The following MED27 variants were observed in gnomAD, a reference collection of about 807,000 sequenced individuals.
MED27 encodes the protein mediator of RNA polymerase II transcription subunit 27.
In MED27, 30 loss-of-function variants were observed where a neutral mutation model predicts 38.2. That is an observed-to-expected ratio of 0.79 (90% CI 0.59 to 1.07). The LOEUF is 1.07. MED27 is among the 50% of genes least tolerant of loss of function. MED27 has a pLI of 0.00. For missense variants in MED27, 289 were observed against 397.5 expected (o/e 0.73, Z 2.32); for synonymous variants, 122 against 153.5 (o/e 0.79, Z 1.52).
intron 3 of MED27, among the ~76,000 whole-genome samples, chr9:131,956,491 C>T (rs1413376788): frequency 6.6e-6 from 1 of 152,044 alleles, no homozygotes; most frequent in Non-Finnish European, 1.5e-5. Context: ...TGGCAGGCGC[C>T]TGTAATTCCA....
chr9:131,992,678 G>C (rs1433546367), intron 3 of MED27, among the ~76,000 whole-genome samples: 1 of 152,140 alleles, frequency 6.6e-6, no homozygotes, highest in African/African-American at 2.4e-5. Flanking sequence ...CTGGGTTACA[G>C]GTATGAGCCA....
intron 3 of MED27, among the ~76,000 whole-genome samples, chr9:132,011,310 T>C (rs1443680958): frequency 6.6e-6 from 1 of 152,212 alleles, no homozygotes; most frequent in Non-Finnish European, 1.5e-5. Context: ...TCCATCCTAA[T>C]CTTAATAACT....
chr9:131,914,473 T>G (rs2131542363), intron 4 of MED27, among the ~76,000 whole-genome samples: 1 of 152,320 alleles, frequency 6.6e-6, no homozygotes, highest in Non-Finnish European at 1.5e-5. Context: ...GAATGGTTAT[T>G]GGGCATTCAG....
intron 4 of MED27, among the ~76,000 whole-genome samples, chr9:131,922,141 T>A (rs1589213601): frequency 6.6e-6 from 1 of 151,432 alleles, no homozygotes; most frequent in Non-Finnish European, 1.5e-5. Flanking sequence ...CTGCACATTG[T>A]GCACATGTAC....
chr9:131,897,790 T>C (rs1241371269), intron 4 of MED27, among the ~76,000 whole-genome samples: 1 of 152,224 alleles, frequency 6.6e-6, no homozygotes, highest in African/African-American at 2.4e-5. Context: ...TCAATTAAGT[T>C]GGCACTTTGG....
At chr9:131,995,081 T>G (rs1296989933) in intron 3 of MED27, among the ~76,000 whole-genome samples, 1 of 152,114 alleles carries the variant, frequency 6.6e-6, no homozygotes, top group Non-Finnish European at 1.5e-5. Context: ...GGAAGACTCA[T>G]GGGCAGCAGT....
chr9:131,964,223 T>A (rs1342441464), intron 3 of MED27, among the ~76,000 whole-genome samples: 1 of 98,490 alleles, frequency 1.0e-5, no homozygotes, highest in Non-Finnish European at 2.1e-5. Flanking sequence ...CAGTGTTAAG[T>A]GCTTAGAACA....
At chr9:131,992,461 G>C (rs1234156032) in intron 3 of MED27, among the ~76,000 whole-genome samples, 3 of 152,092 alleles carry the variant, frequency 2.0e-5, no homozygotes, top group African/African-American at 7.2e-5. Flanking sequence ...GCAGTGGCGT[G>C]ATCACAGCTC....
chr9:132,033,647 T>C (rs1467028373), intron 2 of MED27, among the ~76,000 whole-genome samples: 1 of 152,268 alleles, frequency 6.6e-6, no homozygotes, highest in African/African-American at 2.4e-5. Flanking sequence ...ATTATTGGCA[T>C]AACTGGATGA....
chr9:132,053,497 C>T (rs759193153), intron 2 of MED27, among the ~76,000 whole-genome samples: 161 of 152,122 alleles, frequency 1.1e-3, no homozygotes, highest in Non-Finnish European at 1.1e-3. Context: ...TTACTATGTC[C>T]CAAACTCTGC....
At chr9:131,873,045 C>G (rs1181007765) in intron 6 of MED27, among the ~76,000 whole-genome samples, 1 of 152,350 alleles carries the variant, frequency 6.6e-6, no homozygotes, top group East Asian at 1.9e-4. Context: ...AATGGACTTT[C>G]ATTGGGTAGA....
chr9:131,936,468 AC>A (rs1313079314), intron 4 of MED27, among the ~76,000 whole-genome samples: 1 of 152,128 alleles, frequency 6.6e-6, no homozygotes, highest in Non-Finnish European at 1.5e-5. Flanking sequence ...CTAGGGAATT[AC>A]TTCCCCTCCA....
Position 131,860,439 on chromosome 9 carries a change from A to G in MED27, c.*99T>C, listed in dbSNP as rs999946983. The G allele has an allele frequency of 7.5e-7, 1 of 1,332,912 alleles. No homozygotes were observed. Among genetic ancestry groups the G allele is most frequent in the Non-Finnish European group, 1.0e-6 (1 of 999,186 alleles). The allele number at this position is 1,332,912 out of a possible 1,614,324, so 82.6% of individuals were successfully genotyped here. A position where few individuals can be genotyped will look rare whatever the true frequency, so the allele number is the denominator to read the frequency against. On this transcript the variant is annotated 3_prime_UTR_variant, in exon 8 of 8. Coordinates refer to ENST00000292035, the MANE Select transcript of MED27 (RefSeq NM_004269.4). This position sits in a 1 kb window ranked among gnomAD's most constrained non-coding sequence, Gnocchi z 5.8. Reference sequence around the variant, plus strand: ...CTTTATGAAAGGGAGGAGCAGCTGTACACATCTGGGCAGTGAGGAACCAGC... The same window carrying G: ...CTTTATGAAAGGGAGGAGCAGCTGTGCACATCTGGGCAGTGAGGAACCAGC...
chr9:131,908,306 C>G (rs1830116411), intron 4 of MED27, among the ~76,000 whole-genome samples: 1 of 151,344 alleles, frequency 6.6e-6, no homozygotes. Flanking sequence ...GTGAGGGGCG[C>G]CTCTGCCCGG....
intron 3 of MED27, among the ~76,000 whole-genome samples, chr9:131,973,796 C>A (rs942018766): frequency 6.6e-6 from 1 of 152,106 alleles, no homozygotes; most frequent in African/African-American, 2.4e-5. Flanking sequence ...TAAGCTCCAC[C>A]TCCCGGGTTC....
chr9:132,014,573 T>C, intron 2 of MED27, 106 bp from the exon 3 acceptor site: 2 of 1,164,146 alleles, frequency 1.7e-6, no homozygotes, highest in Non-Finnish European at 2.4e-6. Context: ...CCTTAGAACA[T>C]TTTAAGTAAC....
intron 2 of MED27, among the ~76,000 whole-genome samples, chr9:132,054,059 G>A (rs1833520404): frequency 6.6e-6 from 1 of 151,994 alleles, no homozygotes; most frequent in African/African-American, 2.4e-5. Context: ...TGGGAGTGTG[G>A]CAACAACAAC....
chr9:132,067,917 T>C (rs903235372), intron 2 of MED27, among the ~76,000 whole-genome samples: 1 of 152,214 alleles, frequency 6.6e-6, no homozygotes, highest in Non-Finnish European at 1.5e-5. Context: ...TTTCACCGTG[T>C]TAGCCAGCAT....
intron 3 of MED27, among the ~76,000 whole-genome samples, chr9:131,967,312 C>G (rs1039909722): frequency 6.6e-6 from 1 of 152,146 alleles, no homozygotes; most frequent in African/African-American, 2.4e-5. Context: ...TTAAATGTAT[C>G]CCCCATGACA....
Sources: gnomAD v4.1 joint callset for allele counts (sites outside exome capture counted in the v4.1 genomes callset) on GRCh38, gnomAD v4.1.1 for gene constraint, Gnocchi (gnomAD v3.1) non-coding constraint, MANE v1.5 for transcripts, NCBI Gene and HGNC (gene_info 2026-07-23, HGNC 2026-07-21) for gene names.